Variants in OPN4 observed in about 807,000 individuals in gnomAD.
OPN4 encodes the protein melanopsin.
A neutral mutation model predicts 49.5 loss-of-function variants in OPN4; 43 were observed. That is an observed-to-expected ratio of 0.87 (90% CI 0.68 to 1.12). The LOEUF (loss-of-function observed/expected upper bound fraction) is 1.12, where lower values mean the gene tolerates loss of function less well. OPN4 is among the 50% of genes most tolerant of loss of function. The pLI is 0.00. For synonymous variants in OPN4, 263 were observed against 258.0 expected, an observed-to-expected ratio of 1.02 and a Z score of -0.19; for missense variants, 657 against 643.9, an observed-to-expected ratio of 1.02 and a Z score of -0.22.
chr10:86,663,891 C>A, intron 9 of OPN4, 89 bp downstream of exon 9: 1 of 1,457,642 alleles, frequency 6.9e-7, no homozygotes, highest in African/African-American at 1.4e-5. Flanking sequence ...GAGACTTGTT[C>A]TCATGGGCAG....
rs756614821 is a variant in OPN4 at position 86,656,298 on chromosome 10, C to G, written c.288C>G (p.Cys96Trp). 14 of 1,594,836 alleles carry G rather than the reference C, an allele frequency of 8.8e-6. No homozygotes were observed. The Middle Eastern group carries it at 5.0e-4, about 57-fold the overall frequency. The change falls in exon 2 of 10, where the codon TGC becomes TGG. Residue 96 changes from cysteine to tryptophan, a missense_variant and splice_region_variant. Coordinates refer to ENST00000241891, the MANE Select transcript of OPN4 (RefSeq NM_033282.4). ...ACCTGACGGTCATCTATACCTTCTGCAGGTGCCTGGTTGGTGGTGCTGGGC... is the reference window on the plus strand; with the variant it reads ...ACCTGACGGTCATCTATACCTTCTGGAGGTGCCTGGTTGGTGGTGCTGGGC... ...LGNLTVIYTF[C>W]RSRSLRTPAN...
chr10:86,662,031 C>T (rs775481978), intron 7 of OPN4, among the ~76,000 whole-genome samples: 1 of 152,254 alleles, frequency 6.6e-6, no homozygotes, highest in Non-Finnish European at 1.5e-5. Flanking sequence ...CCCAGAATCT[C>T]TCTGTCCCTC....
intron 6 of OPN4, among the ~76,000 whole-genome samples, chr10:86,660,867 C>T (rs1048304577): frequency 2.6e-5 from 4 of 152,266 alleles, no homozygotes. Flanking sequence ...TGGCTCACGC[C>T]TGTAATCCCA....
chr10:86,657,963 G>C, intron 2 of OPN4, 69 bp from the exon 3 acceptor site: 2 of 1,532,140 alleles, frequency 1.3e-6, no homozygotes, highest in Non-Finnish European at 8.8e-7. Context: ...ATACCTGAGG[G>C]GTGCGGGAAG....
Position 86,659,914 on chromosome 10 carries a change from G to C in OPN4, c.820G>C (p.Ala274Pro), listed in dbSNP as rs755271994. ...TCCTAGGGCTCTCCAGACCTTCGGG[G>C]CCTGCAAGGGCAATGGCGAGTCCCT... ...ETGRALQTFG[A>P]CKGNGESLWQ... The change falls in exon 6 of 10, where the codon GCC becomes CCC. Residue 274 changes from alanine to proline, a missense_variant. Coordinates refer to ENST00000241891, the MANE Select transcript of OPN4 (RefSeq NM_033282.4). 1.2e-6 allele frequency: 2 copies of C among 1,614,194 alleles called. No homozygotes were observed. Among genetic ancestry groups the C allele is most frequent in the African/African-American group, 2.7e-5 (2 of 75,060 alleles).
At chr10:86,660,131 C>G in intron 6 of OPN4, 72 bp downstream of exon 6, 1 of 1,548,480 alleles carries the variant, frequency 6.5e-7, no homozygotes, top group South Asian at 1.1e-5. Context: ...TGGCCAGCCT[C>G]TCCTTCCCAG....
At chr10:86,656,804 G>A (rs535460414) in intron 2 of OPN4, among the ~76,000 whole-genome samples, 1 of 152,122 alleles carries the variant, frequency 6.6e-6, no homozygotes, top group Non-Finnish European at 1.5e-5. Context: ...AATTAGCCAG[G>A]TGTGGTGGTG....
rs17425463 is a variant in OPN4 at position 86,666,373 on chromosome 10, T to C, written c.*622T>C. On this transcript the variant is annotated 3_prime_UTR_variant, in exon 10 of 10. Transcript: ENST00000241891. ...GCACACTCTGCGTCTGTGATTCATT[T>C]CATGTAGTGGTCTAAGCTCCTCCCA... 0.03 allele frequency: 5,814 copies of C among 196,474 alleles called. 224 individuals carry two copies. The highest frequency in any genetic ancestry group is 0.11 in the Admixed American group (2,135 of 18,676). The allele number at this position is 196,474 out of a possible 1,614,324, so 12.2% of individuals were successfully genotyped here. A position where few individuals can be genotyped will look rare whatever the true frequency, so the allele number is the denominator to read the frequency against.
At chr10:86,655,264 C>A (rs566075765) in intron 1 of OPN4, among the ~76,000 whole-genome samples, 2 of 152,184 alleles carry the variant, frequency 1.3e-5, no homozygotes, top group African/African-American at 4.8e-5. Flanking sequence ...GGAGGGCACA[C>A]CCTGGGCCTC....
chr10:86,658,204 G>A (rs778860115), intron 3 of OPN4, 39 bp downstream of exon 3: 3 of 1,608,296 alleles, frequency 1.9e-6, no homozygotes, highest in African/African-American at 1.3e-5. Context: ...GGGAGGAGGA[G>A]GGTTTTGACC....
At chr10:86,658,223 C>A in intron 3 of OPN4, 58 bp downstream of exon 3, 1 of 1,593,526 alleles carries the variant, frequency 6.3e-7, no homozygotes. Context: ...CCTGGGGATG[C>A]CCTCAATGGA....
rs1843943993 is a variant in OPN4, at chr10:86,659,297, G to A, written c.629G>A (p.Ser210Asn). Residue 210 changes from serine (S) to asparagine (N), a missense_variant and splice_region_variant, in exon 5 of 10, where the codon AGC becomes AAC. Ser to Asn is a conservative substitution (Grantham distance 46). Transcript: ENST00000241891. Reference protein sequence around the residue: ...AWSLPPFFGWSAYVPEGLLTS... With the variant: ...AWSLPPFFGWNAYVPEGLLTS... ...GCTGAGCACCTGCCCTGGCTCCCAGGCGCCTACGTGCCCGAGGGGTTGCTG... is the reference window on the plus strand; with the variant it reads ...GCTGAGCACCTGCCCTGGCTCCCAGACGCCTACGTGCCCGAGGGGTTGCTG... 1.9e-6 allele frequency: 3 copies of A among 1,610,322 alleles called. No homozygotes were observed. In the African/African-American group the frequency reaches 4.0e-5, roughly 21 times the overall value.
At chr10:86,657,055 G>A in intron 2 of OPN4, 1 of 627,536 alleles carries the variant, frequency 1.6e-6, no homozygotes, top group South Asian at 1.9e-5. Flanking sequence ...CCCCTGCCTG[G>A]CTCAGTGGCT....
At chr10:86,663,119 TCC>T (rs1268481553) in intron 8 of OPN4, among the ~76,000 whole-genome samples, 1 of 152,140 alleles carries the variant, frequency 6.6e-6, no homozygotes. Context: ...CCCCTAGATG[TCC>T]CCAGGAAAGC....
rs765270251 is a variant in OPN4, at chr10:86,660,041, C to G, written c.947C>G (p.Ala316Gly). The change falls in exon 6 of 10, where the codon GCC becomes GGC. Residue 316 changes from alanine to glycine, a missense_variant. Physicochemically the swap from Ala to Gly is moderately conservative, Grantham distance 60 (BLOSUM62 0). Coordinates refer to ENST00000241891, the MANE Select transcript of OPN4 (RefSeq NM_033282.4). ...TCCTGGGCTCCCTATTCCGCTGTGG[C>G]CCTGGTGGCCTTTGCTGGGTAAGCA... Reference protein sequence around the residue: ...VLSWAPYSAVALVAFAGYAHV... With the variant: ...VLSWAPYSAVGLVAFAGYAHV... The G allele has an allele frequency of 4.3e-6, 7 of 1,614,078 alleles. No individual in the cohort carries two copies. Among genetic ancestry groups the G allele is most frequent in the Non-Finnish European group, 5.9e-6 (7 of 1,180,028 alleles).
intron 6 of OPN4, 25 bp from the exon 7 acceptor site, chr10:86,661,256 G>T: frequency 6.3e-7 from 1 of 1,591,380 alleles, no homozygotes; most frequent in African/African-American, 1.3e-5. Context: ...CAGCTAGCTT[G>T]GGGACCACAC....
Position 86,663,777 on chromosome 10 carries a change from G to A in OPN4, c.1373G>A (p.Gly458Glu), listed in dbSNP as rs1290039754. The A allele has an allele frequency of 1.9e-6, 3 of 1,556,840 alleles. No homozygotes were observed. The South Asian group carries it at 3.6e-5, about 18-fold the overall frequency. The change falls in exon 9 of 10, where the codon GGA (glycine) becomes GAA (glutamate). Residue 458 changes from glycine (G) to glutamate (E), a missense_variant. Gly to Glu is a moderately conservative substitution (Grantham distance 98). Coordinates refer to ENST00000241891, the MANE Select transcript of OPN4 (RefSeq NM_033282.4). Reference protein sequence around the residue: ...LEAKAPPRPQGHEAETPGKTK... With the variant: ...LEAKAPPRPQEHEAETPGKTK... ...GCCAAGGCACCCCCCAGACCCCAGG[G>A]ACACGAAGCAGAGACTCCAGGGAAG... is the stretch of plus-strand genomic sequence containing the variant.
chr10:86,658,075 C>A lies in OPN4; in HGVS notation c.334C>A (p.Leu112Ile), dbSNP rs751704144. Residue 112 changes from leucine (L) to isoleucine (I), a missense_variant, in exon 3 of 10, where the codon CTC becomes ATC. Physicochemically the swap from Leu to Ile is conservative, Grantham distance 5 (BLOSUM62 2). Coordinates refer to ENST00000241891, the MANE Select transcript of OPN4 (RefSeq NM_033282.4). ...RTPANMFIIN[L>I]AVSDFLMSFT... Reference sequence around the variant, plus strand: ...ACCTGCCAACATGTTCATTATCAACCTCGCGGTCAGCGACTTCCTCATGTC... The same window carrying A: ...ACCTGCCAACATGTTCATTATCAACATCGCGGTCAGCGACTTCCTCATGTC... 1.1e-5 allele frequency: 17 copies of A among 1,613,906 alleles called. No homozygotes were observed. The highest frequency in any genetic ancestry group is 1.4e-5 in the Non-Finnish European group (16 of 1,180,046).
chr10:86,662,752 A>T lies in OPN4; in HGVS notation c.1254+320A>T, dbSNP rs190053766. Reference sequence around the variant, plus strand: ...CTCCCTAGAGCCGCAGCCTGAAGAGATCAGCACATCTGGCTCTAGATAGGG... The same window carrying T: ...CTCCCTAGAGCCGCAGCCTGAAGAGTTCAGCACATCTGGCTCTAGATAGGG... On this transcript the variant is annotated intron_variant, in intron 8 of 9. Transcript: ENST00000241891. Among the ~76,000 whole-genome samples the T allele has an allele frequency of 3.0e-3, 459 of 152,344 alleles. 2 individuals carry two copies. Among genetic ancestry groups the T allele is most frequent in the Admixed American group, 0.01 (155 of 15,308 alleles).
Sources: allele counts gnomAD v4.1 joint callset (sites outside exome capture counted in the v4.1 genomes callset), GRCh38; gene constraint gnomAD v4.1.1; transcripts MANE v1.5; gene names NCBI Gene and HGNC (gene_info 2026-07-23, HGNC 2026-07-21).